The following TENM2 variants were observed in gnomAD, a reference collection of about 807,000 sequenced individuals.
TENM2 encodes the protein teneurin-2.
A neutral mutation model predicts 245.2 loss-of-function variants in TENM2; 52 were observed. The ratio of observed to expected loss-of-function variants is 0.21; its 90% CI spans 0.17 to 0.27. The LOEUF is 0.27. TENM2 is among the 10% of genes least tolerant of loss of function. TENM2 has a pLI of 1.00. For synonymous variants in TENM2, 1,363 were observed against 1,438.9 expected, an observed-to-expected ratio of 0.95 and a Z score of 1.19; for missense variants, 3,046 against 3,666.8, an observed-to-expected ratio of 0.83 and a Z score of 4.37.
At chr5:168,179,704 A>T (rs1413867502) in intron 13 of TENM2, among the ~76,000 whole-genome samples, 1 of 152,114 alleles carries the variant, frequency 6.6e-6, no homozygotes, top group East Asian at 1.9e-4. Context: ...AGGGTCCAAA[A>T]CCCAGTCCTA....
At chr5:167,755,030 G>A (rs1278623598) in intron 2 of TENM2, 4 of 1,589,222 alleles carry the variant, frequency 2.5e-6, no homozygotes, top group East Asian at 2.2e-5. Context: ...AAAACGAAGA[G>A]CGGCCCACTC....
the TENM2 span, among the ~76,000 whole-genome samples, chr5:167,164,651 AAT>A: frequency 6.6e-6 from 1 of 152,220 alleles, no homozygotes; most frequent in South Asian, 2.1e-4. Flanking sequence ...TTGATAAATG[AAT>A]ATTAGCTTCA....
intron 3 of TENM2, among the ~76,000 whole-genome samples, chr5:167,899,661 T>C (rs1269928372): frequency 3.3e-5 from 5 of 151,948 alleles, no homozygotes; most frequent in Admixed American, 6.6e-5. Flanking sequence ...GAGTGACTCA[T>C]TTAGAGGGCA....
chr5:167,444,817 CA>C (rs1469941964), intron 2 of TENM2, among the ~76,000 whole-genome samples: 1 of 152,094 alleles, frequency 6.6e-6, no homozygotes, highest in Admixed American at 6.6e-5. Flanking sequence ...AGTATTAAAA[CA>C]GATTATTATA....
Position 167,880,266 on chromosome 5 carries a change from C to G in TENM2, c.712+4071C>G, listed in dbSNP as rs568472109. Among the ~76,000 whole-genome samples, 4 of 152,116 alleles carry G rather than the reference C, an allele frequency of 2.6e-5. No individual in the cohort carries two copies. The South Asian group carries it at 8.3e-4, about 32-fold the overall frequency. ...CAGGCTGGTCTCGAACTCCTGGCCT[C>G]AAATGACCCACCCGCCTCAGCCTCC... is the stretch of plus-strand genomic sequence containing the variant. On this transcript the variant is annotated intron_variant, in intron 3 of 28. Coordinates refer to ENST00000518659, the Ensembl canonical transcript of TENM2.
At chr5:168,113,924 A>G (rs1466661757) in intron 9 of TENM2, among the ~76,000 whole-genome samples, 1 of 152,206 alleles carries the variant, frequency 6.6e-6, no homozygotes, top group Non-Finnish European at 1.5e-5. Context: ...CTCCACTTTC[A>G]TACCTGACCA....
intron 1 of TENM2, among the ~76,000 whole-genome samples, chr5:167,363,114 CAAAAT>C (rs1362783204): frequency 1.3e-5 from 2 of 152,102 alleles, no homozygotes; most frequent in Middle Eastern, 3.2e-3. Flanking sequence ...AGATTTAAAA[CAAAAT>C]AGAAGAAGAA....
At chr5:166,979,194 C>CAGCAGCAGCAGCAG in the TENM2 span, among the ~76,000 whole-genome samples, 274 of 142,128 alleles carry the variant, frequency 1.9e-3, no homozygotes, top group Middle Eastern at 0.011. Flanking sequence ...AGCACCACCA[C>CAGCAGCAGCAGCAG]CAGCAGCAGC....
At chr5:167,391,128 A>T (rs1238561651) in intron 2 of TENM2, among the ~76,000 whole-genome samples, 2 of 152,124 alleles carry the variant, frequency 1.3e-5, no homozygotes, top group Admixed American at 1.3e-4. Context: ...TCCTCTATGA[A>T]ATCATTCTGT....
At chr5:167,781,593 G>A (rs1764191857) in intron 2 of TENM2, among the ~76,000 whole-genome samples, 3 of 152,136 alleles carry the variant, frequency 2.0e-5, no homozygotes, top group African/African-American at 4.8e-5. Context: ...CGTTTGCTGA[G>A]AAAAGAAAGA....
intron 3 of TENM2, among the ~76,000 whole-genome samples, chr5:167,887,300 T>C (rs189940640): frequency 2.0e-5 from 3 of 152,374 alleles, no homozygotes; most frequent in Admixed American, 6.5e-5. Flanking sequence ...ATTTCTTTGG[T>C]CTTTTTGTGT....
chr5:167,310,300 A>G (rs1755948039), intron 1 of TENM2, among the ~76,000 whole-genome samples: 1 of 152,182 alleles, frequency 6.6e-6, no homozygotes, highest in Non-Finnish European at 1.5e-5. Flanking sequence ...TTTTCTTAGC[A>G]TATTCGGATT....
intron 15 of TENM2, among the ~76,000 whole-genome samples, chr5:168,195,550 ACGTGTG>A (rs1172601774): frequency 2.1e-5 from 2 of 94,954 alleles, no homozygotes; most frequent in Admixed American, 1.1e-4. Flanking sequence ...AGGTCAATGC[ACGTGTG>A]TGTGTGTGTG....
At chr5:168,261,908 G>A (rs1487580858) in intron 28 of TENM2, 141 bp from the exon 31 acceptor site, 2 of 757,660 alleles carry the variant, frequency 2.6e-6, no homozygotes, top group Non-Finnish European at 4.3e-6. Flanking sequence ...GTTCCAAAAG[G>A]TAGGACTCCC....
At chr5:168,208,117 C>A (rs1001876116) in intron 19 of TENM2, among the ~76,000 whole-genome samples, 26 of 152,176 alleles carry the variant, frequency 1.7e-4, no homozygotes, top group Non-Finnish European at 3.5e-4. Flanking sequence ...ATAGCAAAAT[C>A]TTTTCTCCCT....
At chr5:168,182,547 T>C (rs923663299) in intron 13 of TENM2, among the ~76,000 whole-genome samples, 7 of 152,232 alleles carry the variant, frequency 4.6e-5, no homozygotes, top group Admixed American at 6.5e-5. Flanking sequence ...GACCAGGTTT[T>C]AAAGCCAGAC....
At chr5:167,499,544 G>C (rs57418568) in intron 2 of TENM2, among the ~76,000 whole-genome samples, 31,957 of 152,110 alleles carry the variant, frequency 0.21, 3,349 homozygotes, top group East Asian at 0.36. Flanking sequence ...TTTGTAGCTG[G>C]ATGATGGGTA....
upstream of TENM2, among the ~76,000 whole-genome samples, chr5:167,284,236 A>C (rs1195375956): frequency 6.6e-6 from 1 of 151,098 alleles, no homozygotes; most frequent in Non-Finnish European, 1.5e-5. Context: ...CAAAGCTAGG[A>C]AATGTTATGT....
chr5:167,409,515 A>G (rs1475406521), intron 2 of TENM2, among the ~76,000 whole-genome samples: 2 of 152,078 alleles, frequency 1.3e-5, no homozygotes, highest in Non-Finnish European at 1.5e-5. Flanking sequence ...TACACATTAT[A>G]GAACCAATTA....
Sources: allele counts gnomAD v4.1 joint callset (sites outside exome capture counted in the v4.1 genomes callset), GRCh38; gene constraint gnomAD v4.1.1; transcripts MANE v1.5; gene names NCBI Gene and HGNC (gene_info 2026-07-23, HGNC 2026-07-21).